APC2: variants seen among roughly 807,000 people sequenced by gnomAD.
APC2 encodes APC regulator of Wnt signaling pathway 2.
APC2 carries 41 observed loss-of-function variants against 72.5 expected under a neutral mutation model. That is an observed-to-expected ratio of 0.57 (90% CI 0.44 to 0.73). APC2 has a LOEUF of 0.73. Among genes scored for constraint, APC2 ranks in the 30% least tolerant of loss-of-function variants. The pLI is 0.00. For missense variants in APC2, 3,729 were observed against 3,403.4 expected (o/e 1.10, Z -2.38); for synonymous variants, 1,898 against 1,612.0 (o/e 1.18, Z -4.25).
intron 13 of APC2, chr19:1,461,670 G>A (rs2083926128): frequency 2.4e-6 from 1 of 416,814 alleles, no homozygotes; most frequent in Non-Finnish European, 4.3e-6. Flanking sequence ...GGCTAACACG[G>A]TGAAACCCCG....
chr19:1,446,288 ATGGGGCTCC>A (rs908745823), upstream of APC2: 5 of 981,896 alleles, frequency 5.1e-6, no homozygotes, highest in Admixed American at 1.2e-4. The surrounding 1 kb of genome is among the most constrained non-coding windows in gnomAD (Gnocchi z 6.1). Context: ...CCGCGGCTCC[ATGGGGCTCC>A]TGGGGCTCCT....
chr19:1,450,863 C>T (rs2083734556), intron 1 of APC2, among the ~76,000 whole-genome samples: 2 of 152,172 alleles, frequency 1.3e-5, no homozygotes, highest in African/African-American at 4.8e-5. Context: ...AGAAGCTGCA[C>T]TGTGTGGGAT....
Position 1,469,513 on chromosome 19 carries a change from G to A in APC2, c.6212G>A (p.Arg2071His), listed in dbSNP as rs1244460840. 4 of 1,145,330 alleles carry A rather than the reference G, an allele frequency of 3.5e-6. No individual in the cohort carries two copies. Among genetic ancestry groups the A allele is most frequent in the Non-Finnish European group, 4.3e-6 (4 of 928,204 alleles). 70.9% of individuals were successfully genotyped at this position (1,145,330 alleles called of 1,614,324 possible). The change falls in exon 15 of 15, where the codon CGC (arginine) becomes CAC (histidine). Residue 2071 changes from arginine (R) to histidine (H), a missense_variant. Arg to His is a conservative substitution (Grantham distance 29). Coordinates refer to ENST00000590469, the MANE Select transcript of APC2 (RefSeq NM_005883.3). ...GCGGCCCGACCCAGCCCTGGCGAGC[G>A]CCCTGCCCGGCGCACCACCTCCGAG... ...PPAARPSPGE[R>H]PARRTTSESP... is the part of the protein sequence containing the mutation.
In APC2 at chr19:1,466,526, G is replaced by A. The variant is rs757504048; in HGVS notation, c.3225G>A (p.Ser1075=). 10 of 1,590,880 alleles carry A rather than the reference G, an allele frequency of 6.3e-6. No individual in the cohort carries two copies. Among genetic ancestry groups the A allele is most frequent in the Non-Finnish European group, 6.0e-6 (7 of 1,176,326 alleles). The change falls in exon 15 of 15, where the codon TCG becomes TCA. Residue 1075 remains serine, a synonymous_variant. Transcript: ENST00000590469. The part of the protein sequence containing the change: ...LSLSRCSSLS[S]LSSAGRPGPS... ...TGTCCCGATGCAGCTCCCTTTCCTC[G>A]CTGTCCTCGGCCGGCCGCCCAGGCC...
chr19:1,454,070 CAT>C, intron 4 of APC2, among the ~76,000 whole-genome samples: 1 of 152,248 alleles, frequency 6.6e-6, no homozygotes, highest in Non-Finnish European at 1.5e-5. Context: ...TGGGAGGGGT[CAT>C]GTGGGGTCAG....
chr19:1,457,477 C>A (rs1047207466), intron 9 of APC2: 2 of 610,628 alleles, frequency 3.3e-6, no homozygotes, highest in East Asian at 6.3e-5. Context: ...ATGGATGGAT[C>A]GTGGGTAACT....
At position 1,465,380 on chromosome 19, in the gene APC2, C is replaced by T. The variant is rs775148153; in HGVS notation, c.2079C>T (p.Asn693=). The part of the protein sequence containing the change: ...IAMGSAAALR[N]LLAHRPAKHQ... ...TGGGCAGCGCCGCCGCCCTGCGCAA[C>T]CTGCTGGCCCATCGGCCCGCCAAGC... is the stretch of plus-strand genomic sequence containing the variant. Residue 693 remains asparagine, a synonymous_variant, in exon 15 of 15, where the codon AAC becomes AAT. Coordinates refer to ENST00000590469, the MANE Select transcript of APC2 (RefSeq NM_005883.3). The T allele has an allele frequency of 6.3e-7, 1 of 1,577,444 alleles. No individual in the cohort carries two copies. Among genetic ancestry groups the T allele is most frequent in the Non-Finnish European group, 8.5e-7 (1 of 1,169,874 alleles).
Position 1,469,156 on chromosome 19 carries a change from G to A in APC2, c.5855G>A (p.Gly1952Asp). The A allele has an allele frequency of 1.6e-6, 2 of 1,280,474 alleles. No individual in the cohort carries two copies. The highest frequency in any genetic ancestry group is 2.0e-6 in the Non-Finnish European group (2 of 1,013,618). 79.3% of individuals were successfully genotyped at this position (1,280,474 alleles called of 1,614,324 possible). The change falls in exon 15 of 15, where the codon GGC (glycine) becomes GAC (aspartate). Residue 1952 changes from glycine to aspartate, a missense_variant. Gly to Asp is a moderately conservative substitution (Grantham distance 94). Transcript: ENST00000590469. Reference protein sequence around the residue: ...PPLARAVPEPGPRGRAGTEAG... With the variant: ...PPLARAVPEPDPRGRAGTEAG... ...CTGGCTCGGGCAGTCCCGGAGCCGG[G>A]CCCCAGGGGCCGGGCGGGGACCGAG...
chr19:1,450,084 C>T (rs1247770084), upstream of APC2: 30 of 958,142 alleles, frequency 3.1e-5, no homozygotes, highest in Non-Finnish European at 3.7e-5. Context: ...CATTGGCTGT[C>T]TCACCCGCAT....
At position 1,466,440 on chromosome 19, in the gene APC2, C is replaced by T. The variant is rs2145237180; in HGVS notation, c.3139C>T (p.Pro1047Ser). The change falls in exon 15 of 15, where the codon CCG becomes TCG. Residue 1047 changes from proline (P) to serine (S), a missense_variant. Coordinates refer to ENST00000590469, the MANE Select transcript of APC2 (RefSeq NM_005883.3). ...GGTTCCCGAGAAGCTGGCGGCTGCCCCGCTGTCTGTGGCCAGCAAGGCACT... is the reference window on the plus strand; with the variant it reads ...GGTTCCCGAGAAGCTGGCGGCTGCCTCGCTGTCTGTGGCCAGCAAGGCACT... The part of the protein sequence containing the change: ...SKVPEKLAAA[P>S]LSVASKALQK... 1 of 1,597,562 alleles carries T rather than the reference C, an allele frequency of 6.3e-7. No homozygotes were observed. Among genetic ancestry groups the T allele is most frequent in the Non-Finnish European group, 8.5e-7 (1 of 1,179,174 alleles).
In APC2 at chr19:1,467,812, A is replaced by C; in HGVS notation, c.4511A>C (p.Glu1504Ala). Residue 1504 changes from glutamate to alanine, a missense_variant, in exon 15 of 15, where the codon GAG (glutamate) becomes GCG (alanine). Glu to Ala is a moderately radical substitution (Grantham distance 107). Transcript: ENST00000590469. ...QSLCLTTPTE[E>A]AVYCFYGNDS... ...CTGTGCCTCACGACGCCCACTGAGG[A>C]GGCCGTGTACTGCTTCTACGGCAAC... 16 of 1,481,250 alleles carry C rather than the reference A, an allele frequency of 1.1e-5. No individual in the cohort carries two copies. Among genetic ancestry groups the C allele is most frequent in the Middle Eastern group, 1.9e-4 (1 of 5,244 alleles). The allele number at this position is 1,481,250 out of a possible 1,614,324, so 91.8% of individuals were successfully genotyped here.
chr19:1,446,484 C>A, upstream of APC2: 1 of 584,034 alleles, frequency 1.7e-6, no homozygotes, highest in Non-Finnish European at 2.1e-6. This position sits in a 1 kb window ranked among gnomAD's most constrained non-coding sequence, Gnocchi z 6.1. Context: ...GGGTCTAGTG[C>A]CGTCGCCGTA....
chr19:1,456,165 G>A lies in APC2; in HGVS notation c.717+12G>A. The A allele has an allele frequency of 1.3e-6, 2 of 1,577,124 alleles. No individual in the cohort carries two copies. Among genetic ancestry groups the A allele is most frequent in the Non-Finnish European group, 1.7e-6 (2 of 1,164,230 alleles). On this transcript the variant is annotated intron_variant, in intron 7 of 14. Transcript: ENST00000590469. ...AGACGGAGCCCCAGGTACCGGGTGG[G>A]GCAGAGCCAGGGACCAGGGGTGGTG... is the stretch of plus-strand genomic sequence containing the variant.
At position 1,460,070 on chromosome 19, in the gene APC2, G is replaced by C. The variant is rs550893609; in HGVS notation, c.1304-111G>C. The C allele has an allele frequency of 3.5e-6, 5 of 1,438,350 alleles. No individual in the cohort carries two copies. In the East Asian group the frequency reaches 9.6e-5, roughly 28 times the overall value. 89.1% of individuals were successfully genotyped at this position (1,438,350 alleles called of 1,614,324 possible). On this transcript the variant is annotated intron_variant, in intron 10 of 14. Coordinates refer to ENST00000590469, the MANE Select transcript of APC2 (RefSeq NM_005883.3). ...AGACTTGGGCCTGGAAGGGGAACTT[G>C]AGGGCAGGTCTGGGGCATAGGGAGG...
chr19:1,468,672 C>A lies in APC2; in HGVS notation c.5371C>A (p.Arg1791=). 6.3e-7 allele frequency: 1 copy of A among 1,576,106 alleles called. No individual in the cohort carries two copies. The highest frequency in any genetic ancestry group is 8.6e-7 in the Non-Finnish European group (1 of 1,158,156). Residue 1791 remains arginine, a synonymous_variant, in exon 15 of 15, where the codon CGA becomes AGA. Coordinates refer to ENST00000590469, the MANE Select transcript of APC2 (RefSeq NM_005883.3). ...TPGVPAVLRG[R]TVIYVPSPAP... ...CGGGGTGCCAGCTGTGCTCCGGGGACGAACAGTGATCTACGTCCCCAGCCC... is the reference window on the plus strand; with the variant it reads ...CGGGGTGCCAGCTGTGCTCCGGGGAAGAACAGTGATCTACGTCCCCAGCCC...
chr19:1,467,723 C>G lies in APC2; in HGVS notation c.4422C>G (p.Ser1474Arg). Residue 1474 changes from serine (S) to arginine (R), a missense_variant, in exon 15 of 15, where the codon AGC becomes AGG. Ser to Arg is a moderately radical substitution (Grantham distance 110). Transcript: ENST00000590469. ...AGCTGCCCCTGGGCCGGCCCCCGAG[C>G]GCCCCCGCAGACAAGGACGGCTCAA... ...GLELPLGRPP[S>R]APADKDGSKP... 7.0e-7 allele frequency: 1 copy of G among 1,436,382 alleles called. No homozygotes were observed. 89.0% of individuals were successfully genotyped at this position (1,436,382 alleles called of 1,614,324 possible). A position where few individuals can be genotyped will look rare whatever the true frequency, so the allele number is the denominator to read the frequency against.
At chr19:1,446,631 C>T (rs1259589310), upstream of APC2, among the ~76,000 whole-genome samples, 1 of 152,130 alleles carries the variant, frequency 6.6e-6, no homozygotes, top group Admixed American at 6.5e-5. This position sits in a 1 kb window ranked among gnomAD's most constrained non-coding sequence, Gnocchi z 6.1. Context: ...GCAGGAGACC[C>T]TCGGACCCCT....
At chr19:1,460,133 C>A (rs772965617) in intron 10 of APC2, 48 bp from the exon 11 acceptor site, 4 of 1,609,696 alleles carry the variant, frequency 2.5e-6, no homozygotes, top group Non-Finnish European at 3.4e-6. Context: ...CGCTGGGCAG[C>A]AGGCAGGGTC....
rs1280879712 is a variant in APC2, at chr19:1,468,780, G to C, written c.5479G>C (p.Ala1827Pro). Residue 1827 changes from alanine to proline, a missense_variant, in exon 15 of 15, where the codon GCG becomes CCG. Coordinates refer to ENST00000590469, the MANE Select transcript of APC2 (RefSeq NM_005883.3). ...GGCGCCCCCTTGCCTGGCACAGCCCGCGGCTCCAGCCAAAGTCCCGAGCCC... is the reference window on the plus strand; with the variant it reads ...GGCGCCCCCTTGCCTGGCACAGCCCCCGGCTCCAGCCAAAGTCCCGAGCCC... ...KVAPPCLAQPAAPAKVPSPGQ... is the reference protein window; with the variant it reads ...KVAPPCLAQPPAPAKVPSPGQ... The C allele has an allele frequency of 2.6e-6, 4 of 1,511,162 alleles. No homozygotes were observed. In the African/African-American group the frequency reaches 5.6e-5, roughly 21 times the overall value. 93.6% of individuals were successfully genotyped at this position (1,511,162 alleles called of 1,614,324 possible).
Sources: allele counts gnomAD v4.1 joint callset (sites outside exome capture counted in the v4.1 genomes callset), GRCh38; gene constraint gnomAD v4.1.1; non-coding constraint Gnocchi (gnomAD v3.1); transcripts MANE v1.5; gene names NCBI Gene and HGNC (gene_info 2026-07-23, HGNC 2026-07-21).